ARHGAP24: variants seen among roughly 807,000 people sequenced by gnomAD.
ARHGAP24 encodes the protein rho GTPase-activating protein 24.
Under a neutral mutation model 76.4 loss-of-function variants are expected in ARHGAP24, and 50 were observed. The ratio of observed to expected loss-of-function variants is 0.65; its 90% CI spans 0.52 to 0.83. ARHGAP24 has a LOEUF of 0.83. Ranked by LOEUF, ARHGAP24 falls within the 40% of genes least tolerant of loss-of-function variation. The pLI is 0.00. For missense variants in ARHGAP24, 930 were observed against 914.2 expected, an observed-to-expected ratio of 1.02 and a Z score of -0.22; for synonymous variants, 345 against 323.3, an observed-to-expected ratio of 1.07 and a Z score of -0.72.
chr4:85,667,157 G>T (rs1288788858), intron 2 of ARHGAP24, among the ~76,000 whole-genome samples: 2 of 152,166 alleles, frequency 1.3e-5, no homozygotes, highest in African/African-American at 4.8e-5. Flanking sequence ...CCACCCAGTT[G>T]GAGCTTCCCA....
At chr4:85,904,455 T>C (rs879339723) in intron 3 of ARHGAP24, among the ~76,000 whole-genome samples, 4 of 152,176 alleles carry the variant, frequency 2.6e-5, no homozygotes, top group African/African-American at 4.8e-5. Flanking sequence ...ACCTCCAACA[T>C]TGGGGATTGC....
intron 2 of ARHGAP24, among the ~76,000 whole-genome samples, chr4:85,585,615 A>G (rs113511487): frequency 0.014 from 2,166 of 152,370 alleles, 59 homozygotes; most frequent in African/African-American, 0.049. Flanking sequence ...CTGTCAAAGA[A>G]TAAAATAATT....
At chr4:85,567,373 G>A (rs1336139212) in intron 1 of ARHGAP24, among the ~76,000 whole-genome samples, 1 of 152,170 alleles carries the variant, frequency 6.6e-6, no homozygotes, top group Non-Finnish European at 1.5e-5. Context: ...CAAAAGGATG[G>A]ATTTGAACTA....
intron 5 of ARHGAP24, among the ~76,000 whole-genome samples, chr4:85,950,539 G>T (rs755986480): frequency 6.6e-6 from 1 of 151,992 alleles, no homozygotes; most frequent in Non-Finnish European, 1.5e-5. Context: ...AAAGGAAGGA[G>T]GTCACTGTGA....
intron 3 of ARHGAP24, among the ~76,000 whole-genome samples, chr4:85,869,036 T>C (rs1402936271): frequency 6.6e-6 from 1 of 152,150 alleles, no homozygotes; most frequent in Admixed American, 6.6e-5. Context: ...TGTCCTTGTT[T>C]CAATACCAAC....
intron 5 of ARHGAP24, among the ~76,000 whole-genome samples, chr4:85,964,629 A>G (rs1738464964): frequency 1.3e-5 from 2 of 152,132 alleles, no homozygotes; most frequent in South Asian, 4.1e-4. Flanking sequence ...AAACATTGAA[A>G]TAGAGACTTA....
At chr4:85,538,665 T>C (rs1725566809) in intron 1 of ARHGAP24, among the ~76,000 whole-genome samples, 1 of 152,176 alleles carries the variant, frequency 6.6e-6, no homozygotes, top group Admixed American at 6.6e-5. Context: ...TCATTGACTT[T>C]GAGAATTCTA....
chr4:85,695,318 C>A (rs1025800175), intron 2 of ARHGAP24, among the ~76,000 whole-genome samples: 1 of 152,156 alleles, frequency 6.6e-6, no homozygotes, highest in Non-Finnish European at 1.5e-5. Context: ...ATGGCATGTG[C>A]CCAATAAAGA....
At chr4:85,620,374 T>A (rs1480827272) in intron 2 of ARHGAP24, among the ~76,000 whole-genome samples, 3 of 152,058 alleles carry the variant, frequency 2.0e-5, no homozygotes, top group African/African-American at 7.2e-5. Flanking sequence ...CATGATTCAG[T>A]CTTGATAGGT....
At chr4:85,804,229 G>A (rs1728698392) in intron 3 of ARHGAP24, among the ~76,000 whole-genome samples, 1 of 152,108 alleles carries the variant, frequency 6.6e-6, no homozygotes, top group South Asian at 2.1e-4. Context: ...AATGAACATT[G>A]TGATAAAAAA....
At chr4:85,701,835 C>T (rs1724100284) in intron 2 of ARHGAP24, among the ~76,000 whole-genome samples, 1 of 151,872 alleles carries the variant, frequency 6.6e-6, no homozygotes, top group Admixed American at 6.6e-5. Context: ...AATAGAGGCT[C>T]CAGCTTAATG....
chr4:85,869,011 T>C (rs1166316408), intron 3 of ARHGAP24, among the ~76,000 whole-genome samples: 2 of 151,742 alleles, frequency 1.3e-5, no homozygotes, highest in African/African-American at 2.4e-5. Flanking sequence ...TTGATACATG[T>C]ACAACTATGA....
At chr4:85,835,295 A>G (rs1245155660) in intron 3 of ARHGAP24, among the ~76,000 whole-genome samples, 1 of 151,426 alleles carries the variant, frequency 6.6e-6, no homozygotes, top group Non-Finnish European at 1.5e-5. Flanking sequence ...GCGGTGGCTT[A>G]TGCCTGTAAT....
At chr4:85,724,642 G>C (rs1005921496) in intron 3 of ARHGAP24, among the ~76,000 whole-genome samples, 2 of 151,342 alleles carry the variant, frequency 1.3e-5, no homozygotes, top group Non-Finnish European at 2.9e-5. Flanking sequence ...AGCGTCTCAG[G>C]TCTTTGTGTA....
intron 1 of ARHGAP24, 66 bp downstream of exon 1, chr4:85,475,625 G>T (rs1560501059): frequency 7.1e-6 from 1 of 140,866 alleles, no homozygotes; most frequent in Non-Finnish European, 1.5e-5. Flanking sequence ...GGCTGCCTGC[G>T]CCAGGGGAGG....
intron 1 of ARHGAP24, among the ~76,000 whole-genome samples, chr4:85,485,724 G>A (rs1353726559): frequency 6.6e-6 from 1 of 150,510 alleles, no homozygotes; most frequent in African/African-American, 2.5e-5. Flanking sequence ...ATGGCAGTGT[G>A]CTCCTTTTGA....
intron 8 of ARHGAP24, among the ~76,000 whole-genome samples, chr4:85,985,088 C>A (rs533431790): frequency 1.4e-4 from 21 of 152,116 alleles, no homozygotes; most frequent in Non-Finnish European, 2.9e-4. Flanking sequence ...TCCCTGAGTG[C>A]TGGGATTAGA....
intron 2 of ARHGAP24, 30 bp from the exon 3 acceptor site, chr4:85,721,855 T>G: frequency 6.4e-7 from 1 of 1,555,564 alleles, no homozygotes; most frequent in South Asian, 1.1e-5. Flanking sequence ...TCTCTGATGA[T>G]GTTGATGTTT....
intron 4 of ARHGAP24, among the ~76,000 whole-genome samples, chr4:85,935,006 A>G (rs1300239761): frequency 1.3e-5 from 2 of 152,208 alleles, no homozygotes; most frequent in Non-Finnish European, 2.9e-5. Context: ...ATCGATTACA[A>G]ACTGGTGAGG....
Sources: gnomAD v4.1 joint callset for allele counts (sites outside exome capture counted in the v4.1 genomes callset) on GRCh38, gnomAD v4.1.1 for gene constraint, MANE v1.5 for transcripts, NCBI Gene and HGNC (gene_info 2026-07-23, HGNC 2026-07-21) for gene names.